SVOPL: variants seen among roughly 807,000 people sequenced by gnomAD.
The protein encoded by SVOPL is SVOP like.
Under a neutral mutation model 61.0 loss-of-function variants are expected in SVOPL, and 60 were observed. The observed-to-expected ratio is 0.98, with a 90% CI of 0.80 to 1.22. SVOPL has a LOEUF of 1.22. SVOPL is among the 50% of genes most tolerant of loss of function. SVOPL has a pLI of 0.00. For synonymous variants in SVOPL, 279 were observed against 250.0 expected (o/e 1.12, Z -1.09); for missense variants, 662 against 643.9 (o/e 1.03, Z -0.30).
Position 138,620,957 on chromosome 7 carries a change from C to T in SVOPL, c.1353+89G>A, listed in dbSNP as rs1000197208. On this transcript the variant is annotated intron_variant, in intron 14 of 15. Coordinates refer to ENST00000674285, the MANE Select transcript of SVOPL (RefSeq NM_001139456.2). ...AAAACTCATGAAGTCAACAGAAATC[C>T]TCCGTTCTGCCTTTAATCTGAAGGT... 1.6e-5 allele frequency: 19 copies of T among 1,205,648 alleles called. No individual in the cohort carries two copies. The Admixed American group carries it at 1.7e-4, about 11-fold the overall frequency. 74.7% of individuals were successfully genotyped at this position (1,205,648 alleles called of 1,614,324 possible).
At chr7:138,697,958 C>A in intron 1 of SVOPL, among the ~76,000 whole-genome samples, 1 of 143,726 alleles carries the variant, frequency 7.0e-6, no homozygotes, top group Non-Finnish European at 1.5e-5. Context: ...ACTAAATTAA[C>A]AAACATGGAA....
At chr7:138,666,713 T>C (rs1802272905) in intron 4 of SVOPL, among the ~76,000 whole-genome samples, 1 of 152,206 alleles carries the variant, frequency 6.6e-6, no homozygotes, top group South Asian at 2.1e-4. Flanking sequence ...TAGTTCACCT[T>C]TGACATAAAG....
In SVOPL at chr7:138,649,136, A is replaced by G; in HGVS notation, c.536T>C (p.Val179Ala). The change falls in exon 8 of 16, where the codon GTG becomes GCG. Residue 179 changes from valine to alanine, a missense_variant and splice_region_variant. Coordinates refer to ENST00000674285, the MANE Select transcript of SVOPL (RefSeq NM_001139456.2). ...YRGYMLPLSQ[V>A]FWLAGSLLII... ...GAGCAGGGAGCCCGCAAGCCAGAAC[A>G]CCTAGGAAGAGAGAAGTCCAGGATT... 1 of 1,609,776 alleles carries G rather than the reference A, an allele frequency of 6.2e-7. No homozygotes were observed. The highest frequency in any genetic ancestry group is 8.5e-7 in the Non-Finnish European group (1 of 1,178,326).
rs769636604 is a variant in SVOPL at position 138,672,136 on chromosome 7, C to A, written c.175-19G>T. The A allele has an allele frequency of 3.9e-6, 6 of 1,549,282 alleles. No individual in the cohort carries two copies. Among genetic ancestry groups the A allele is most frequent in the Admixed American group, 2.0e-5 (1 of 51,000 alleles). ...CAACCACCTTAAAGAAGAGGGACACCATGCCATGTCTAAGTGCCAGCTTGT... is the reference window on the plus strand; with the variant it reads ...CAACCACCTTAAAGAAGAGGGACACAATGCCATGTCTAAGTGCCAGCTTGT... On this transcript the variant is annotated intron_variant, in intron 3 of 15. Coordinates refer to ENST00000674285, the MANE Select transcript of SVOPL (RefSeq NM_001139456.2).
intron 9 of SVOPL, among the ~76,000 whole-genome samples, chr7:138,632,655 CAG>C (rs1800265198): frequency 1.4e-5 from 2 of 145,394 alleles, no homozygotes; most frequent in African/African-American, 2.6e-5. Flanking sequence ...GGAGGCCAGA[CAG>C]GGGAGCCAGG....
intron 14 of SVOPL, among the ~76,000 whole-genome samples, chr7:138,601,534 C>G (rs1176486694): frequency 6.6e-6 from 1 of 151,436 alleles, no homozygotes; most frequent in Non-Finnish European, 1.5e-5. Context: ...ACTGCATGCT[C>G]TCTCTTATAT....
intron 4 of SVOPL, among the ~76,000 whole-genome samples, chr7:138,663,808 G>C (rs993533216): frequency 1.3e-5 from 2 of 150,114 alleles, no homozygotes; most frequent in South Asian, 2.1e-4. Flanking sequence ...CCTGACTGAC[G>C]GCCTCCAGGG....
At chr7:138,654,130 C>CAAAA (rs34730936) in intron 7 of SVOPL, among the ~76,000 whole-genome samples, 5 of 99,194 alleles carry the variant, frequency 5.0e-5, no homozygotes, top group African/African-American at 1.6e-4. Context: ...AAGACTCCCT[C>CAAAA]AAAAAAAAAA....
chr7:138,618,659 A>T (rs1799409250), intron 14 of SVOPL, among the ~76,000 whole-genome samples: 1 of 151,796 alleles, frequency 6.6e-6, no homozygotes, highest in Non-Finnish European at 1.5e-5. Context: ...AGACAGAGAG[A>T]GAGAGAGCAC....
chr7:138,616,903 C>T (rs1334002714), intron 14 of SVOPL, among the ~76,000 whole-genome samples: 3 of 152,216 alleles, frequency 2.0e-5, no homozygotes, highest in Non-Finnish European at 4.4e-5. Context: ...TCTCACACTT[C>T]AGCCTCCTGA....
rs1801852345 is a variant in SVOPL at position 138,658,448 on chromosome 7, G to T, written c.470+1416C>A. ...GGATTGACTTCAAAAATTTTTGTTT[G>T]TTTGTTTGTTTTTGTAGAGCGAGGG... On this transcript the variant is annotated intron_variant, in intron 6 of 15. Coordinates refer to ENST00000674285, the MANE Select transcript of SVOPL (RefSeq NM_001139456.2). Among the ~76,000 whole-genome samples the T allele has an allele frequency of 2.0e-5, 3 of 151,824 alleles. No individual in the cohort carries two copies. In the South Asian group the frequency reaches 6.2e-4, roughly 31 times the overall value.
intron 14 of SVOPL, among the ~76,000 whole-genome samples, chr7:138,601,887 T>A (rs1386278947): frequency 1.2e-5 from 1 of 82,100 alleles, no homozygotes; most frequent in Non-Finnish European, 2.4e-5. Context: ...CTCCTTTGCC[T>A]GTTTTATGTT....
chr7:138,647,623 G>T (rs903056967), intron 8 of SVOPL, among the ~76,000 whole-genome samples: 1 of 151,872 alleles, frequency 6.6e-6, no homozygotes, highest in Non-Finnish European at 1.5e-5. Flanking sequence ...GGCTGAGGCG[G>T]GTGGATCACT....
At chr7:138,614,126 T>C (rs572369704) in intron 14 of SVOPL, among the ~76,000 whole-genome samples, 1 of 152,330 alleles carries the variant, frequency 6.6e-6, no homozygotes, top group East Asian at 1.9e-4. Flanking sequence ...ATTGAGTCTC[T>C]TTTGGTGCTC....
At chr7:138,601,207 G>T (rs189614626) in intron 14 of SVOPL, among the ~76,000 whole-genome samples, 74 of 147,386 alleles carry the variant, frequency 5.0e-4, no homozygotes, top group African/African-American at 1.8e-3. Context: ...AGCCAAGATC[G>T]TGCCACTGCA....
intron 3 of SVOPL, among the ~76,000 whole-genome samples, chr7:138,676,899 CTTTTTTT>C (rs1191279496): frequency 1.8e-5 from 2 of 112,820 alleles, no homozygotes; most frequent in African/African-American, 7.6e-5. Flanking sequence ...CTTGGGGTTC[CTTTTTTT>C]TTTTTTTTTT....
intron 7 of SVOPL, among the ~76,000 whole-genome samples, chr7:138,649,459 C>G (rs1801313335): frequency 6.6e-6 from 1 of 151,334 alleles, no homozygotes; most frequent in South Asian, 2.1e-4. Flanking sequence ...ACGCCCAGCT[C>G]ATTTTTTTTG....
At chr7:138,689,272 C>T in intron 1 of SVOPL, 2 of 1,578,128 alleles carry the variant, frequency 1.3e-6, no homozygotes, top group Non-Finnish European at 8.6e-7. Context: ...GTTAAAAATG[C>T]AGAGAGCAAT....
At chr7:138,598,003 A>G (rs900400345) in intron 14 of SVOPL, among the ~76,000 whole-genome samples, 2 of 152,204 alleles carry the variant, frequency 1.3e-5, no homozygotes, top group African/African-American at 2.4e-5. Flanking sequence ...CTTCGTAACA[A>G]GACTCCACAA....
Sources: gnomAD v4.1 joint callset for allele counts (sites outside exome capture counted in the v4.1 genomes callset) on GRCh38, gnomAD v4.1.1 for gene constraint, MANE v1.5 for transcripts, NCBI Gene and HGNC (gene_info 2026-07-23, HGNC 2026-07-21) for gene names.